Variants in XPR1 observed in about 807,000 individuals in gnomAD.
XPR1 encodes the protein solute carrier family 53 member 1.
In XPR1, 28 loss-of-function variants were observed where a neutral mutation model predicts 87.5. That is an observed-to-expected ratio of 0.32 (90% confidence interval 0.24 to 0.44). The LOEUF (loss-of-function observed/expected upper bound fraction) is 0.44, where lower values mean the gene tolerates loss of function less well. XPR1 is among the 20% of genes least tolerant of loss of function. The probability of loss-of-function intolerance (pLI) is 1.00; values close to 1 mark genes in which losing one functional copy is unlikely to be tolerated. For synonymous variants in XPR1, 300 were observed against 306.1 expected (o/e 0.98, Z 0.21); for missense variants, 559 against 862.3 (o/e 0.65, Z 4.41).
At chr1:180,683,814 T>C (rs1184862046) in intron 2 of XPR1, among the ~76,000 whole-genome samples, 1 of 150,944 alleles carries the variant, frequency 6.6e-6, no homozygotes, top group African/African-American at 2.5e-5. Flanking sequence ...GATGGGGTTG[T>C]TTTTTTCTTG....
At position 180,749,495 on chromosome 1, in the gene XPR1, T is replaced by C. The variant is rs188528001; in HGVS notation, c.122-38258T>C. ...GTTGCAACCTTAGGTTGATTTCTTA[T>C]GAGTTTTCCAAATCATGAGCATTTT... On this transcript the variant is annotated intron_variant, in intron 2 of 14. Coordinates refer to ENST00000367590, the MANE Select transcript of XPR1 (RefSeq NM_004736.4). Among the ~76,000 whole-genome samples, 418 of 152,294 alleles carry C rather than the reference T, an allele frequency of 2.7e-3. 2 individuals are homozygous for C. The highest frequency in any genetic ancestry group is 5.4e-3 in the South Asian group (26 of 4,826).
At chr1:180,658,400 T>C (rs2101913995) in intron 1 of XPR1, among the ~76,000 whole-genome samples, 1 of 152,338 alleles carries the variant, frequency 6.6e-6, no homozygotes. Context: ...TTTTTCCCCA[T>C]TCAGTATAAT....
chr1:180,748,400 C>CTTTTTTTTTTTTTTTTGTT, intron 2 of XPR1, among the ~76,000 whole-genome samples: 1 of 29,650 alleles, frequency 3.4e-5, no homozygotes, highest in Non-Finnish European at 7.1e-5. Context: ...TTATTTATGT[C>CTTTTTTTTTTTTTTTTGTT]TTTTTTTTTT....
chr1:180,748,142 A>T (rs1299891552), intron 2 of XPR1, among the ~76,000 whole-genome samples: 1 of 152,114 alleles, frequency 6.6e-6, no homozygotes, highest in African/African-American at 2.4e-5. Flanking sequence ...TTTTTGGACA[A>T]ATCATTGCTA....
chr1:180,826,811 A>G (rs1334217366), intron 9 of XPR1, among the ~76,000 whole-genome samples: 3 of 152,108 alleles, frequency 2.0e-5, no homozygotes, highest in Admixed American at 6.5e-5. Flanking sequence ...TTAGCCAAAC[A>G]TAACAATTTT....
chr1:180,861,401 T>C (rs1652216999), intron 11 of XPR1, among the ~76,000 whole-genome samples: 1 of 152,140 alleles, frequency 6.6e-6, no homozygotes, highest in East Asian at 1.9e-4. Context: ...TCTTTTTTAA[T>C]GTAGCCATGA....
At chr1:180,878,949 T>C (rs1024620504) in intron 13 of XPR1, among the ~76,000 whole-genome samples, 7 of 152,216 alleles carry the variant, frequency 4.6e-5, no homozygotes, top group Admixed American at 2.0e-4. Context: ...TGTGAAATAC[T>C]GTCTTTATGC....
intron 2 of XPR1, among the ~76,000 whole-genome samples, chr1:180,708,120 C>T (rs1657620867): frequency 6.6e-6 from 1 of 152,138 alleles, no homozygotes; most frequent in Non-Finnish European, 1.5e-5. Flanking sequence ...CTGCGTGATA[C>T]TGTTTTTAGA....
intron 3 of XPR1, among the ~76,000 whole-genome samples, chr1:180,797,304 A>C (rs1441367472): frequency 2.6e-5 from 4 of 152,224 alleles, no homozygotes; most frequent in Admixed American, 2.6e-4. Context: ...CTTTGGCTGC[A>C]TGTATGTGGT....
intron 1 of XPR1, among the ~76,000 whole-genome samples, chr1:180,654,274 A>G (rs1284168332): frequency 6.6e-6 from 1 of 152,072 alleles, no homozygotes. Context: ...CTTTCTTGCA[A>G]GTTGCTAGAG....
intron 1 of XPR1, among the ~76,000 whole-genome samples, chr1:180,680,053 T>TA (rs1656512794): frequency 6.6e-6 from 1 of 152,110 alleles, no homozygotes; most frequent in African/African-American, 2.4e-5. Context: ...AAAATTGATT[T>TA]AAAAATGGGC....
At position 180,880,223 on chromosome 1, in the gene XPR1, A is replaced by C. The variant is rs1343897677; in HGVS notation, c.1956A>C (p.Val652=). The change falls in exon 14 of 15, where the codon GTA becomes GTC. Residue 652 remains valine, a synonymous_variant. Transcript: ENST00000367590. ...LEQMMDQDDG[V]RNRQKNRSWK... Reference sequence around the variant, plus strand: ...AGATGATGGACCAGGATGATGGGGTACGAAACCGCCAGAAGAATCGGTCAT... The same window carrying C: ...AGATGATGGACCAGGATGATGGGGTCCGAAACCGCCAGAAGAATCGGTCAT... 6 of 1,614,234 alleles carry C rather than the reference A, an allele frequency of 3.7e-6. No homozygotes were observed. The highest frequency in any genetic ancestry group is 5.1e-6 in the Non-Finnish European group (6 of 1,180,042).
chr1:180,864,529 G>A (rs3856060), intron 12 of XPR1, among the ~76,000 whole-genome samples: 51,648 of 151,846 alleles, frequency 0.34, 9,142 homozygotes, highest in Non-Finnish European at 0.38. Flanking sequence ...CAAAGGAGAA[G>A]GAGTGGCTGA....
intron 2 of XPR1, among the ~76,000 whole-genome samples, chr1:180,771,139 G>A (rs1648498281): frequency 6.6e-6 from 1 of 152,040 alleles, no homozygotes; most frequent in Non-Finnish European, 1.5e-5. Context: ...CATGGTGCCT[G>A]GCATATAGTA....
intron 2 of XPR1, among the ~76,000 whole-genome samples, chr1:180,741,144 T>C (rs1322403803): frequency 5.3e-5 from 8 of 152,146 alleles, no homozygotes; most frequent in African/African-American, 1.9e-4. Context: ...GATCCCCTCC[T>C]TGAAGTTATC....
At chr1:180,856,448 G>C (rs1398635998) in intron 11 of XPR1, among the ~76,000 whole-genome samples, 2 of 152,156 alleles carry the variant, frequency 1.3e-5, no homozygotes, top group Non-Finnish European at 2.9e-5. Flanking sequence ...TGCAACCACT[G>C]TCTGTGTGAC....
intron 2 of XPR1, among the ~76,000 whole-genome samples, chr1:180,771,880 A>G (rs916102112): frequency 6.6e-6 from 1 of 152,122 alleles, no homozygotes; most frequent in South Asian, 2.1e-4. Context: ...AAGTTTCTCC[A>G]TGGTAAAGTT....
chr1:180,635,002 T>C (rs1197153728), intron 1 of XPR1, among the ~76,000 whole-genome samples: 1 of 152,132 alleles, frequency 6.6e-6, no homozygotes, highest in Non-Finnish European at 1.5e-5. Flanking sequence ...GGTCATGTTT[T>C]TGATTTAACT....
intron 1 of XPR1, among the ~76,000 whole-genome samples, chr1:180,639,881 G>A (rs1325216796): frequency 1.3e-5 from 2 of 152,162 alleles, no homozygotes; most frequent in East Asian, 3.8e-4. Flanking sequence ...TCTGGTATCT[G>A]CCCTACAGCA....
Sources: allele counts gnomAD v4.1 joint callset (sites outside exome capture counted in the v4.1 genomes callset), GRCh38; gene constraint gnomAD v4.1.1; transcripts MANE v1.5; gene names NCBI Gene and HGNC (gene_info 2026-07-23, HGNC 2026-07-21).